The following FRMD4A variants were observed in gnomAD, a reference collection of about 807,000 sequenced individuals.
FRMD4A encodes FERM domain containing 4A.
A neutral mutation model predicts 129.1 loss-of-function variants in FRMD4A; 29 were observed. The observed-to-expected ratio is 0.22, with a 90% CI of 0.17 to 0.31. The LOEUF (loss-of-function observed/expected upper bound fraction) is 0.31, where lower values mean the gene tolerates loss of function less well. Among genes scored for constraint, FRMD4A ranks in the 10% least tolerant of loss-of-function variants. The pLI, the probability that FRMD4A is intolerant of heterozygous loss-of-function variation, is 1.00. For missense variants in FRMD4A, 1,272 were observed against 1,375.8 expected (o/e 0.92, Z 1.19); for synonymous variants, 634 against 571.6 (o/e 1.11, Z -1.56).
At chr10:13,956,312 C>A (rs1011989099) in intron 2 of FRMD4A, among the ~76,000 whole-genome samples, 1 of 152,140 alleles carries the variant, frequency 6.6e-6, no homozygotes, top group African/African-American at 2.4e-5. Context: ...GCCACCACAC[C>A]CGGCTAATTT....
At chr10:13,771,636 T>C (rs1490724239) in intron 6 of FRMD4A, among the ~76,000 whole-genome samples, 1 of 152,158 alleles carries the variant, frequency 6.6e-6, no homozygotes, top group Non-Finnish European at 1.5e-5. Flanking sequence ...CTCAGAAAAA[T>C]GCTGGTACCA....
intron 2 of FRMD4A, among the ~76,000 whole-genome samples, chr10:14,316,508 C>A (rs77324006): frequency 1.6e-3 from 171 of 109,856 alleles, no homozygotes; most frequent in Middle Eastern, 4.7e-3. Context: ...GTGATAGCAG[C>A]AAAAAAAAAA....
intron 2 of FRMD4A, among the ~76,000 whole-genome samples, chr10:14,185,465 A>T (rs972250340): frequency 1.3e-5 from 2 of 152,254 alleles, no homozygotes; most frequent in African/African-American, 4.8e-5. Flanking sequence ...AATTAGTACA[A>T]AAAACATTAC....
chr10:14,039,455 A>AATCTATCTATCT (rs71388152), intron 2 of FRMD4A, among the ~76,000 whole-genome samples: 6 of 64,590 alleles, frequency 9.3e-5, no homozygotes, highest in South Asian at 4.3e-4. Context: ...AAAATCAATC[A>AATCTATCTATCT]ATCTATCTAT....
chr10:14,330,536 C>A, intron 1 of FRMD4A, 61 bp downstream of exon 1: 1 of 408,808 alleles, frequency 2.4e-6, no homozygotes, highest in Non-Finnish European at 4.3e-6. Flanking sequence ...CCCGAGCCAC[C>A]CCCTCTCTCT....
At chr10:13,676,398 G>T (rs1034100258) in intron 15 of FRMD4A, among the ~76,000 whole-genome samples, 1 of 151,030 alleles carries the variant, frequency 6.6e-6, no homozygotes, top group Non-Finnish European at 1.5e-5. Context: ...AGGTAGCTGG[G>T]ATTACAGGCA....
chr10:13,673,209 A>T (rs2083662901), intron 16 of FRMD4A, among the ~76,000 whole-genome samples: 2 of 152,170 alleles, frequency 1.3e-5, no homozygotes, highest in Non-Finnish European at 2.9e-5. Context: ...TGCTAATATT[A>T]ACAGTATCAC....
intron 2 of FRMD4A, among the ~76,000 whole-genome samples, chr10:13,935,363 GGGA>G (rs1273636455): frequency 2.0e-5 from 3 of 148,544 alleles, no homozygotes; most frequent in Non-Finnish European, 3.0e-5. Flanking sequence ...CCTTGAATCT[GGGA>G]GGAGGAGGTT....
chr10:13,947,950 G>A (rs1313324748), intron 2 of FRMD4A, among the ~76,000 whole-genome samples: 4 of 151,770 alleles, frequency 2.6e-5, no homozygotes, highest in Non-Finnish European at 5.9e-5. Flanking sequence ...TGTAATTCCG[G>A]CACTGAGAGG....
chr10:14,128,695 A>C (rs1564321001), intron 2 of FRMD4A, among the ~76,000 whole-genome samples: 1 of 152,222 alleles, frequency 6.6e-6, no homozygotes, highest in East Asian at 1.9e-4. Flanking sequence ...TGTAATGAGA[A>C]AATGCACGTG....
intron 2 of FRMD4A, among the ~76,000 whole-genome samples, chr10:14,029,727 A>G (rs1039544430): frequency 6.6e-6 from 1 of 152,172 alleles, no homozygotes; most frequent in Non-Finnish European, 1.5e-5. Context: ...CAATTATTAA[A>G]TAAGTACTGA....
chr10:14,291,278 C>G (rs946016908), intron 2 of FRMD4A, among the ~76,000 whole-genome samples: 16 of 152,044 alleles, frequency 1.1e-4, no homozygotes, highest in Admixed American at 2.0e-4. Flanking sequence ...AAAGAGAAAA[C>G]TGAAAATAAG....
intron 12 of FRMD4A, among the ~76,000 whole-genome samples, chr10:13,728,139 A>G (rs6602677): frequency 0.73 from 110,395 of 152,064 alleles, 40,836 homozygotes; most frequent in Middle Eastern, 0.81. Context: ...CTAGGAATAC[A>G]GAGGGTGCTT....
intron 2 of FRMD4A, among the ~76,000 whole-genome samples, chr10:14,207,138 C>T (rs900645767): frequency 5.3e-5 from 8 of 151,938 alleles, no homozygotes; most frequent in Non-Finnish European, 1.0e-4. Flanking sequence ...AAACAACATT[C>T]CAGAGTGTTC....
chr10:14,013,761 G>A (rs530489929), intron 2 of FRMD4A, among the ~76,000 whole-genome samples: 38 of 152,144 alleles, frequency 2.5e-4, no homozygotes, highest in Non-Finnish European at 4.6e-4. Flanking sequence ...GAGAAACCCC[G>A]TCTCTACCAA....
At chr10:13,764,238 C>T (rs2092193729) in intron 6 of FRMD4A, among the ~76,000 whole-genome samples, 1 of 146,846 alleles carries the variant, frequency 6.8e-6, no homozygotes, top group African/African-American at 2.6e-5. Context: ...AAACACCTAG[C>T]TGGGCATGAT....
At chr10:14,050,028 G>T (rs900332314) in intron 2 of FRMD4A, among the ~76,000 whole-genome samples, 1 of 152,190 alleles carries the variant, frequency 6.6e-6, no homozygotes, top group Non-Finnish European at 1.5e-5. Flanking sequence ...TTTGACTGTA[G>T]GCTTTGGCAC....
intron 2 of FRMD4A, among the ~76,000 whole-genome samples, chr10:14,172,187 G>A (rs1013813616): frequency 6.6e-6 from 1 of 152,162 alleles, no homozygotes; most frequent in South Asian, 2.1e-4. Flanking sequence ...AGAATTCACA[G>A]AAGCAATTTA....
intron 8 of FRMD4A, among the ~76,000 whole-genome samples, chr10:13,749,436 G>A (rs942083591): frequency 7.2e-5 from 11 of 152,126 alleles, no homozygotes; most frequent in Admixed American, 4.6e-4. Flanking sequence ...CAGCCATAGA[G>A]GGGAGTTCCT....
Sources: gnomAD v4.1 joint callset for allele counts (sites outside exome capture counted in the v4.1 genomes callset) on GRCh38, gnomAD v4.1.1 for gene constraint, MANE v1.5 for transcripts, NCBI Gene and HGNC (gene_info 2026-07-23, HGNC 2026-07-21) for gene names.